Variants in RBFOX1 observed in about 807,000 individuals in gnomAD.
RBFOX1 encodes the protein RNA binding fox-1 homolog 1.
Under a neutral mutation model 57.7 loss-of-function variants are expected in RBFOX1, and 8 were observed. The observed-to-expected ratio is 0.14, with a 90% CI of 0.08 to 0.25. RBFOX1 has a LOEUF of 0.25. Ranked by LOEUF, RBFOX1 falls within the 10% of genes least tolerant of loss-of-function variation. The pLI is 1.00. For missense variants in RBFOX1, 611 were observed against 548.5 expected (o/e 1.11, Z -1.14); for synonymous variants, 326 against 222.4 (o/e 1.47, Z -4.15).
intron 4 of RBFOX1, among the ~76,000 whole-genome samples, chr16:7,263,916 A>G (rs2095028444): frequency 7.7e-6 from 1 of 129,734 alleles, no homozygotes; most frequent in African/African-American, 3.2e-5. Flanking sequence ...ATATATATAT[A>G]AATTAAAAAA....
chr16:6,542,771 T>G (rs2096841477), intron 2 of RBFOX1, among the ~76,000 whole-genome samples: 1 of 151,990 alleles, frequency 6.6e-6, no homozygotes, highest in Non-Finnish European at 1.5e-5. Context: ...GGATTACAGG[T>G]GTGAACCACT....
chr16:6,166,768 T>TTTTTG (rs758039079), intron 1 of RBFOX1, among the ~76,000 whole-genome samples: 25 of 151,130 alleles, frequency 1.7e-4, no homozygotes, highest in African/African-American at 4.9e-4. Flanking sequence ...CCCCGTGGGG[T>TTTTTG]TTTTGTTTTG....
chr16:6,450,775 A>ATATACATATATATATATACATG (rs1567302687), intron 2 of RBFOX1, among the ~76,000 whole-genome samples: 5 of 35,208 alleles, frequency 1.4e-4, no homozygotes, highest in Non-Finnish European at 2.5e-4. Context: ...GTGTATATAT[A>ATATACATATATATATATACATG]TATATATATA....
rs548053802 is a variant in RBFOX1, at chr16:6,116,969, A to T, written c.-127+96977A>T. Among the ~76,000 whole-genome samples the T allele has an allele frequency of 4.6e-5, 7 of 152,314 alleles. No homozygotes were observed. The East Asian group carries it at 1.4e-3, about 29-fold the overall frequency. ...GTATTGGGATAATCTCCGTTGGCAG[A>T]TACTAGAAGTCCTTTCAAGAGCTAG... On this transcript the variant is annotated intron_variant, in intron 1 of 15. Coordinates refer to ENST00000550418, the MANE Select transcript of RBFOX1 (RefSeq NM_018723.4).
intron 2 of RBFOX1, among the ~76,000 whole-genome samples, chr16:6,493,135 C>T (rs1324016757): frequency 6.6e-6 from 1 of 152,158 alleles, no homozygotes; most frequent in African/African-American, 2.4e-5. Context: ...TGATACAGGT[C>T]AGCTTAGATA....
chr16:5,858,860 A>C (rs1435268980), intron 3 of RBFOX1, among the ~76,000 whole-genome samples: 1 of 152,198 alleles, frequency 6.6e-6, no homozygotes, highest in Non-Finnish European at 1.5e-5. Context: ...GGCTGGAACC[A>C]AGTCCCAGGC....
rs557522016 is a variant in RBFOX1 at position 6,788,797 on chromosome 16, G to A, written c.-16+134147G>A. Among the ~76,000 whole-genome samples, 7 of 152,152 alleles carry A rather than the reference G, an allele frequency of 4.6e-5. No individual in the cohort carries two copies. The East Asian group carries it at 1.4e-3, about 30-fold the overall frequency. On this transcript the variant is annotated intron_variant, in intron 3 of 15. Coordinates refer to ENST00000550418, the MANE Select transcript of RBFOX1 (RefSeq NM_018723.4). Reference sequence around the variant, plus strand: ...GCCCCCCACTGATTTTTCTGAGGATGCCTCTGTGATGTCATACGATGTGCC... The same window carrying A: ...GCCCCCCACTGATTTTTCTGAGGATACCTCTGTGATGTCATACGATGTGCC...
intron 1 of RBFOX1, among the ~76,000 whole-genome samples, chr16:6,155,828 C>A (rs151174624): frequency 1.3e-5 from 2 of 152,078 alleles, no homozygotes; most frequent in South Asian, 4.1e-4. Flanking sequence ...TTTAAAAGAA[C>A]ACACTTTATT....
Position 6,247,921 on chromosome 16 carries a change from A to G in RBFOX1, c.-126-69074A>G, listed in dbSNP as rs74531183. Among the ~76,000 whole-genome samples, 1,367 of 151,886 alleles carry G rather than the reference A, an allele frequency of 9.0e-3. 10 individuals carry two copies. Among genetic ancestry groups the G allele is most frequent in the Middle Eastern group, 0.031 (9 of 294 alleles). ...CTCTCCAAGATGGCAGAACATTCCA[A>G]CACTGGTTAATGGCTCTGGGATCAT... is the stretch of plus-strand genomic sequence containing the variant. On this transcript the variant is annotated intron_variant, in intron 1 of 15. Transcript: ENST00000550418.
intron 2 of RBFOX1, among the ~76,000 whole-genome samples, chr16:6,534,247 A>C (rs531264637): frequency 1.3e-5 from 2 of 151,906 alleles, no homozygotes; most frequent in Non-Finnish European, 2.9e-5. Flanking sequence ...TGACAAGGAC[A>C]TCAGTGTGTA....
chr16:7,632,970 C>T (rs2061222078), intron 11 of RBFOX1, among the ~76,000 whole-genome samples: 1 of 152,196 alleles, frequency 6.6e-6, no homozygotes, highest in African/African-American at 2.4e-5. Flanking sequence ...GCATCTCTCA[C>T]ATCACATGAA....
At chr16:6,946,109 A>G (rs999059450) in intron 3 of RBFOX1, among the ~76,000 whole-genome samples, 1 of 152,204 alleles carries the variant, frequency 6.6e-6, no homozygotes, top group African/African-American at 2.4e-5. Context: ...GATTTGCTTT[A>G]TAAATAACCC....
intron 4 of RBFOX1, among the ~76,000 whole-genome samples, chr16:7,086,635 G>A (rs1202198852): frequency 6.6e-6 from 1 of 151,966 alleles, no homozygotes. Context: ...GATTTTGTAA[G>A]GAGAGCCTAT....
chr16:5,711,218 T>C (rs541610658), intron 3 of RBFOX1, among the ~76,000 whole-genome samples: 3 of 152,368 alleles, frequency 2.0e-5, no homozygotes, highest in South Asian at 2.1e-4. Flanking sequence ...TGCTTTCTAA[T>C]AGTAACTCAT....
chr16:7,478,863 GA>G (rs1304997641), intron 4 of RBFOX1, among the ~76,000 whole-genome samples: 1 of 152,160 alleles, frequency 6.6e-6, no homozygotes, highest in Non-Finnish European at 1.5e-5. Context: ...CGAGCGCCTT[GA>G]AATAGCTCTG....
chr16:5,798,876 G>A (rs1330612024), intron 3 of RBFOX1, among the ~76,000 whole-genome samples: 2 of 152,042 alleles, frequency 1.3e-5, no homozygotes, highest in Non-Finnish European at 2.9e-5. Flanking sequence ...GTAGCTCAGA[G>A]GTACGGACTA....
At chr16:6,914,627 A>G (rs931311950) in intron 3 of RBFOX1, among the ~76,000 whole-genome samples, 9 of 152,080 alleles carry the variant, frequency 5.9e-5, no homozygotes, top group African/African-American at 2.2e-4. Flanking sequence ...TAATCGCAGC[A>G]CTTTGGGAGG....
At chr16:6,594,597 C>G (rs548049535) in intron 2 of RBFOX1, among the ~76,000 whole-genome samples, 4 of 152,190 alleles carry the variant, frequency 2.6e-5, no homozygotes, top group African/African-American at 9.6e-5. Context: ...TTATGGGCAA[C>G]TAGTTTATTA....
chr16:6,428,923 G>A (rs1481961474), intron 2 of RBFOX1, among the ~76,000 whole-genome samples: 12 of 152,274 alleles, frequency 7.9e-5, no homozygotes, highest in South Asian at 6.2e-4. Flanking sequence ...GTAGTAAAGC[G>A]TATTCTTAGA....
Sources: allele counts gnomAD v4.1 joint callset (sites outside exome capture counted in the v4.1 genomes callset), GRCh38; gene constraint gnomAD v4.1.1; transcripts MANE v1.5; gene names NCBI Gene and HGNC (gene_info 2026-07-23, HGNC 2026-07-21).